UGT1A8: variants seen among roughly 807,000 people sequenced by gnomAD.
The protein encoded by UGT1A8 is UDP glucuronosyltransferase family 1 member A8.
In UGT1A8, 39 loss-of-function variants were observed where a neutral mutation model predicts 45.3. The observed-to-expected ratio is 0.86, with a 90% CI of 0.67 to 1.12. The LOEUF is 1.12. Ranked by LOEUF, UGT1A8 falls within the 50% of genes most tolerant of loss-of-function variation. The probability of loss-of-function intolerance (pLI) is 0.00; values close to 1 mark genes in which losing one functional copy is unlikely to be tolerated. For synonymous variants in UGT1A8, 275 were observed against 249.2 expected, an observed-to-expected ratio of 1.10 and a Z score of -0.97; for missense variants, 719 against 664.9, an observed-to-expected ratio of 1.08 and a Z score of -0.90.
rs865802877 is a variant in UGT1A8 at position 233,618,123 on chromosome 2, A to G, written c.416A>G (p.Glu139Gly). ...NDRKLVEYLK[E>G]SSFDAVFLDP... ...CGAAAATTAGTAGAATACTTAAAGG[A>G]GAGTTCTTTTGATGCGGTGTTTCTT... The change falls in exon 1 of 5, where the codon GAG becomes GGG. Residue 139 changes from glutamate (E) to glycine (G), a missense_variant. Coordinates refer to ENST00000373450, the MANE Select transcript of UGT1A8 (RefSeq NM_019076.5). 22 of 1,614,020 alleles carry G rather than the reference A, an allele frequency of 1.4e-5. 2 individuals carry two copies. The Middle Eastern group carries it at 3.0e-3, about 218-fold the overall frequency.
intron 1 of UGT1A8, among the ~76,000 whole-genome samples, chr2:233,663,308 A>C (rs979649665): frequency 2.6e-5 from 4 of 152,152 alleles, no homozygotes; most frequent in Non-Finnish European, 4.4e-5. Flanking sequence ...CAGTCTCCCC[A>C]AGCAATTTGG....
At chr2:233,672,275 A>G in intron 1 of UGT1A8, 1 of 1,613,916 alleles carries the variant, frequency 6.2e-7, no homozygotes, top group Non-Finnish European at 8.5e-7. Flanking sequence ...GGTTCATACA[A>G]TGACATTTTT....
rs568773315 is a variant in UGT1A8 at position 233,683,108 on chromosome 2, C to T, written c.855+64546C>T. Among the ~76,000 whole-genome samples, 110 of 152,126 alleles carry T rather than the reference C, an allele frequency of 7.2e-4. 1 individual carries two copies. The highest frequency in any genetic ancestry group is 2.3e-3 in the African/African-American group (97 of 41,512). On this transcript the variant is annotated intron_variant, in intron 1 of 4. Coordinates refer to ENST00000373450, the MANE Select transcript of UGT1A8 (RefSeq NM_019076.5). ...CTTTTTTTGCTAATTCTACACTACC[C>T]CCAGAGGAAAATATTCTTAGCAGTT... is the stretch of plus-strand genomic sequence containing the variant.
Position 233,748,487 on chromosome 2 carries a change from A to G in UGT1A8, c.856-18547A>G, listed in dbSNP as rs58741345. 1.8e-3 allele frequency among the ~76,000 whole-genome samples: 274 copies of G among 151,976 alleles called. 7 individuals carry two copies. The highest frequency in any genetic ancestry group is 6.4e-3 in the African/African-American group (263 of 41,268). On this transcript the variant is annotated intron_variant, in intron 1 of 4. Transcript: ENST00000373450. ...ATGCAACAGCAAATTACAATTGTTAATGTGATAATTTTTAGTGGTCCTGTC... is the reference window on the plus strand; with the variant it reads ...ATGCAACAGCAAATTACAATTGTTAGTGTGATAATTTTTAGTGGTCCTGTC...
At chr2:233,717,067 A>C (rs1289809173) in intron 1 of UGT1A8, among the ~76,000 whole-genome samples, 2 of 152,174 alleles carry the variant, frequency 1.3e-5, no homozygotes, top group Non-Finnish European at 2.9e-5. Flanking sequence ...GGAGTGCCAG[A>C]CACGTAACCA....
intron 1 of UGT1A8, chr2:233,636,677 G>T (rs200610421): frequency 4.3e-6 from 7 of 1,614,120 alleles, no homozygotes; most frequent in Non-Finnish European, 1.7e-6. Context: ...ATCCTCAGGG[G>T]GCATGAGGTG....
intron 1 of UGT1A8, among the ~76,000 whole-genome samples, chr2:233,677,580 T>C (rs781203601): frequency 1.3e-5 from 2 of 152,140 alleles, no homozygotes; most frequent in Non-Finnish European, 2.9e-5. Flanking sequence ...GAAAAAATGC[T>C]CAACATCACT....
At chr2:233,709,460 A>G (rs1297952220) in intron 1 of UGT1A8, among the ~76,000 whole-genome samples, 3 of 152,134 alleles carry the variant, frequency 2.0e-5, no homozygotes, top group African/African-American at 7.2e-5. Context: ...TAAAGCAATC[A>G]TTTTGGGGCT....
Position 233,694,053 on chromosome 2 carries a change from G to A in UGT1A8, c.856-72981G>A, listed in dbSNP as rs1403841501. Among the ~76,000 whole-genome samples the A allele has an allele frequency of 5.3e-5, 8 of 152,180 alleles. No homozygotes were observed. The South Asian group carries it at 8.3e-4, about 16-fold the overall frequency. ...AGGCTGAAGTGATACAGAGGCATTC[G>A]GATGAAGACAGGGCTCATGCTTGGC... On this transcript the variant is annotated intron_variant, in intron 1 of 4. Coordinates refer to ENST00000373450, the MANE Select transcript of UGT1A8 (RefSeq NM_019076.5).
At chr2:233,701,840 A>G (rs1343611147) in intron 1 of UGT1A8, among the ~76,000 whole-genome samples, 2 of 152,200 alleles carry the variant, frequency 1.3e-5, no homozygotes, top group African/African-American at 4.8e-5. Context: ...GACACATTCA[A>G]AGCAGTGTGT....
intron 1 of UGT1A8, among the ~76,000 whole-genome samples, chr2:233,751,671 A>T (rs1207862608): frequency 6.6e-6 from 1 of 152,074 alleles, no homozygotes; most frequent in Admixed American, 6.6e-5. Context: ...GTGAGTTCTA[A>T]TGAGAGCTGA....
intron 1 of UGT1A8, among the ~76,000 whole-genome samples, chr2:233,642,690 C>G (rs952855315): frequency 6.6e-6 from 1 of 152,202 alleles, no homozygotes. Context: ...TTTGAAAGGA[C>G]TTAGGTGTTG....
intron 1 of UGT1A8, among the ~76,000 whole-genome samples, chr2:233,633,532 T>C (rs566506036): frequency 6.6e-6 from 1 of 152,338 alleles, no homozygotes; most frequent in East Asian, 1.9e-4. Flanking sequence ...CCTGGTTTAG[T>C]CTTGGGAGGA....
chr2:233,655,190 A>G (rs899622342), intron 1 of UGT1A8, among the ~76,000 whole-genome samples: 2 of 152,356 alleles, frequency 1.3e-5, no homozygotes, highest in South Asian at 2.1e-4. Flanking sequence ...TGCTAATTAC[A>G]TGGTCACAAA....
intron 1 of UGT1A8, among the ~76,000 whole-genome samples, chr2:233,641,452 T>C (rs28969980): frequency 3.1e-4 from 47 of 152,366 alleles, no homozygotes; most frequent in East Asian, 3.1e-3. Flanking sequence ...TTATATCTTG[T>C]TGTACTGCCT....
chr2:233,730,912 A>G (rs941087892), intron 1 of UGT1A8, among the ~76,000 whole-genome samples: 20 of 152,310 alleles, frequency 1.3e-4, no homozygotes, highest in African/African-American at 1.9e-4. Context: ...CAAAAATTTC[A>G]GAGGCAGCTT....
At chr2:233,701,340 TG>T (rs1387825061) in intron 1 of UGT1A8, among the ~76,000 whole-genome samples, 2 of 151,724 alleles carry the variant, frequency 1.3e-5, no homozygotes, top group East Asian at 3.9e-4. Context: ...CCACCAACAG[TG>T]TAAAAGTTCT....
At chr2:233,671,229 C>G (rs1409979461) in intron 1 of UGT1A8, among the ~76,000 whole-genome samples, 4 of 152,120 alleles carry the variant, frequency 2.6e-5, no homozygotes, top group African/African-American at 9.7e-5. Context: ...AGTGCTCTCG[C>G]AAGGATTGGG....
intron 1 of UGT1A8, chr2:233,648,356 A>T: frequency 2.4e-6 from 1 of 416,360 alleles, no homozygotes; most frequent in Admixed American, 2.7e-5. Context: ...ATACTTTGAC[A>T]TTACCTTGAA....
Sources: allele counts gnomAD v4.1 joint callset (sites outside exome capture counted in the v4.1 genomes callset), GRCh38; gene constraint gnomAD v4.1.1; transcripts MANE v1.5; gene names NCBI Gene and HGNC (gene_info 2026-07-23, HGNC 2026-07-21).